STAC: variants seen among roughly 807,000 people sequenced by gnomAD.
STAC encodes the protein SH3 and cysteine-rich domain-containing protein.
In STAC, 43 loss-of-function variants were observed where a neutral mutation model predicts 48.8. The observed-to-expected ratio is 0.88, with a 90% confidence interval of 0.69 to 1.14. STAC has a LOEUF of 1.14. Among genes scored for constraint, STAC ranks in the 50% most tolerant of loss-of-function variants. The probability of loss-of-function intolerance (pLI) is 0.00; values close to 1 mark genes in which losing one functional copy is unlikely to be tolerated. For missense variants in STAC, 497 were observed against 504.0 expected (o/e 0.99, Z 0.13); for synonymous variants, 193 against 179.5 (o/e 1.07, Z -0.60).
At chr3:36,540,732 G>C (rs1372934885) in intron 10 of STAC, among the ~76,000 whole-genome samples, 1 of 152,002 alleles carries the variant, frequency 6.6e-6, no homozygotes, top group East Asian at 1.9e-4. Flanking sequence ...ATCCCCTATA[G>C]AAAAAGCAAA....
chr3:36,447,365 T>C (rs904035456), intron 2 of STAC, among the ~76,000 whole-genome samples: 1 of 152,172 alleles, frequency 6.6e-6, no homozygotes, highest in Non-Finnish European at 1.5e-5. Flanking sequence ...TCTGTGAACA[T>C]ACTTTAATGC....
chr3:36,448,223 A>G (rs1359258551), intron 2 of STAC, among the ~76,000 whole-genome samples: 1 of 149,430 alleles, frequency 6.7e-6, no homozygotes, highest in Non-Finnish European at 1.5e-5. Context: ...ACTTTATTTA[A>G]CTTTATTTAT....
chr3:36,407,783 A>G (rs1387140527), intron 1 of STAC, among the ~76,000 whole-genome samples: 2 of 152,234 alleles, frequency 1.3e-5, no homozygotes, highest in Admixed American at 6.5e-5. Context: ...AGCTTAAAGC[A>G]ACACAAAGTT....
chr3:36,510,204 A>G (rs1010539088), intron 8 of STAC, among the ~76,000 whole-genome samples: 4 of 152,206 alleles, frequency 2.6e-5, no homozygotes, highest in Non-Finnish European at 4.4e-5. Context: ...TGTGAAAAAA[A>G]GATCCTCATC....
intron 10 of STAC, among the ~76,000 whole-genome samples, chr3:36,531,475 A>T (rs1353472338): frequency 1.3e-5 from 2 of 152,224 alleles, no homozygotes; most frequent in Non-Finnish European, 2.9e-5. Context: ...CTGTTCTCCC[A>T]AGATAAACAC....
chr3:36,495,805 G>A (rs1320510718), intron 6 of STAC, among the ~76,000 whole-genome samples: 1 of 152,248 alleles, frequency 6.6e-6, no homozygotes, highest in Non-Finnish European at 1.5e-5. Context: ...GATGCAGGTA[G>A]AGCCTCACTA....
chr3:36,459,838 C>T (rs1696958159), intron 2 of STAC, among the ~76,000 whole-genome samples: 2 of 152,126 alleles, frequency 1.3e-5, no homozygotes, highest in African/African-American at 2.4e-5. Flanking sequence ...AATGCAATGT[C>T]AGGTATGCAT....
At chr3:36,452,744 C>A (rs554580753) in intron 2 of STAC, among the ~76,000 whole-genome samples, 5 of 152,286 alleles carry the variant, frequency 3.3e-5, no homozygotes, top group African/African-American at 1.2e-4. Context: ...TATCTGGGAA[C>A]GCCAAGTCTG....
intron 2 of STAC, among the ~76,000 whole-genome samples, chr3:36,482,542 A>T (rs1205909291): frequency 6.6e-6 from 1 of 152,188 alleles, no homozygotes; most frequent in East Asian, 1.9e-4. Flanking sequence ...ACTCTCACAC[A>T]GACCTGCCCT....
intron 1 of STAC, among the ~76,000 whole-genome samples, chr3:36,399,245 G>A (rs1699951517): frequency 6.6e-6 from 1 of 152,222 alleles, no homozygotes; most frequent in Non-Finnish European, 1.5e-5. Flanking sequence ...GGCCCCAACA[G>A]GGAGGGTCTG....
intron 1 of STAC, among the ~76,000 whole-genome samples, chr3:36,434,066 C>T (rs1227737582): frequency 6.6e-6 from 1 of 152,088 alleles, no homozygotes; most frequent in Non-Finnish European, 1.5e-5. Flanking sequence ...TTCTAAAGAC[C>T]CCCAATGCTC....
At chr3:36,403,583 G>A (rs1238137678) in intron 1 of STAC, among the ~76,000 whole-genome samples, 1 of 151,440 alleles carries the variant, frequency 6.6e-6, no homozygotes, top group Non-Finnish European at 1.5e-5. Context: ...GTGCCACACA[G>A]TAAAAGCAAA....
chr3:36,419,796 A>T (rs2125643171), intron 1 of STAC, among the ~76,000 whole-genome samples: 1 of 152,312 alleles, frequency 6.6e-6, no homozygotes, highest in East Asian at 1.9e-4. Flanking sequence ...TTTGGAAAAC[A>T]CAGAGGATTG....
chr3:36,488,470 G>C (rs949700177), intron 5 of STAC, among the ~76,000 whole-genome samples: 1 of 152,114 alleles, frequency 6.6e-6, no homozygotes, highest in Non-Finnish European at 1.5e-5. Context: ...CCTTAAGTTG[G>C]AGTGTTCCCA....
chr3:36,486,395 G>C lies in STAC; in HGVS notation c.687+146G>C, dbSNP rs1697817714. 6.5e-6 allele frequency: 4 copies of C among 614,584 alleles called. No homozygotes were observed. In the South Asian group the frequency reaches 8.8e-5, roughly 14 times the overall value. The allele number at this position is 614,584 out of a possible 1,614,324, so 38.1% of individuals were successfully genotyped here. ...GGCACCTGCCAAAGAGAAACCCAAA[G>C]TGCTTTGAGCCACTAAGGATTAACT... On this transcript the variant is annotated intron_variant, in intron 5 of 10. Coordinates refer to ENST00000273183, the MANE Select transcript of STAC (RefSeq NM_003149.3).
chr3:36,517,902 C>T (rs1331275765), intron 8 of STAC, among the ~76,000 whole-genome samples: 1 of 152,004 alleles, frequency 6.6e-6, no homozygotes, highest in Non-Finnish European at 1.5e-5. Flanking sequence ...CACACTTATA[C>T]ACATTCAAGT....
chr3:36,508,971 G>A (rs1698470972), intron 8 of STAC, among the ~76,000 whole-genome samples: 1 of 152,102 alleles, frequency 6.6e-6, no homozygotes, highest in Non-Finnish European at 1.5e-5. Flanking sequence ...GATGCTAGCT[G>A]GTTATTTTGC....
chr3:36,466,499 T>A (rs1308204568), intron 2 of STAC, among the ~76,000 whole-genome samples: 1 of 152,196 alleles, frequency 6.6e-6, no homozygotes, highest in African/African-American at 2.4e-5. Flanking sequence ...GGCAATATGG[T>A]CATTTTCCCA....
At chr3:36,469,389 G>T (rs955231547) in intron 2 of STAC, among the ~76,000 whole-genome samples, 5 of 152,130 alleles carry the variant, frequency 3.3e-5, no homozygotes, top group African/African-American at 1.2e-4. Context: ...TAATTGTTCT[G>T]TTTAAGGAGG....
Sources: allele counts gnomAD v4.1 joint callset (sites outside exome capture counted in the v4.1 genomes callset), GRCh38; gene constraint gnomAD v4.1.1; transcripts MANE v1.5; gene names NCBI Gene and HGNC (gene_info 2026-07-23, HGNC 2026-07-21).